The following DMD variants were observed in gnomAD, a reference collection of about 807,000 sequenced individuals.
DMD encodes mutant dystrophin.
Under a neutral mutation model 330.1 loss-of-function variants are expected in DMD, and 63 were observed. That is an observed-to-expected ratio of 0.19 (90% CI 0.16 to 0.24). DMD has a LOEUF of 0.24. Ranked by LOEUF, DMD falls within the 10% of genes least tolerant of loss-of-function variation. The pLI is 1.00. For synonymous variants in DMD, 1,223 were observed against 959.8 expected (o/e 1.27, Z -5.07); for missense variants, 3,344 against 2,684.1 (o/e 1.25, Z -5.43).
chrX:31,809,281 T>C (rs905766682), intron 50 of DMD, among the ~76,000 whole-genome samples: 1 of 107,392 alleles, frequency 9.3e-6, no homozygotes, highest in Non-Finnish European at 1.9e-5. Context: ...TATAGTGACA[T>C]GTAATATATA....
In DMD at chrX:31,320,811, T is replaced by C. The variant is rs765199446; in HGVS notation, c.9224+2787A>G. ...TCCCTAATTTCAAAGAGATTATAAT[T>C]GTAGAGAGAATTGCTCTCCATAAGG... On this transcript the variant is annotated intron_variant, in intron 62 of 78. Transcript: ENST00000357033. 9.7e-4 allele frequency among the ~76,000 whole-genome samples: 109 copies of C among 112,280 alleles called. 1 individual carries two copies. Among genetic ancestry groups the C allele is most frequent in the African/African-American group, 3.5e-3 (108 of 30,954 alleles).
chrX:32,538,030 T>C (rs774285696), intron 17 of DMD, among the ~76,000 whole-genome samples: 1 of 112,400 alleles, frequency 8.9e-6, no homozygotes, highest in Non-Finnish European at 1.9e-5. Flanking sequence ...AAATGGATCC[T>C]GGCCCAGGGA....
intron 44 of DMD, among the ~76,000 whole-genome samples, chrX:32,038,990 C>T (rs1052544696): frequency 9.0e-6 from 1 of 111,046 alleles, no homozygotes; most frequent in African/African-American, 3.3e-5. Flanking sequence ...GAATAATGGG[C>T]ATAGATATGT....
At chrX:31,372,932 T>G (rs1265308636) in intron 60 of DMD, among the ~76,000 whole-genome samples, 1 of 111,672 alleles carries the variant, frequency 9.0e-6, no homozygotes, top group African/African-American at 3.3e-5. Context: ...CCCCATCGTC[T>G]CAACCCCAAA....
chrX:33,140,285 G>A (rs1161431350), intron 1 of DMD, among the ~76,000 whole-genome samples: 1 of 111,817 alleles, frequency 8.9e-6, no homozygotes, highest in Non-Finnish European at 1.9e-5. Context: ...ATTTTAGGTT[G>A]TTTTTATAAG....
chrX:32,554,819 AGGGAGGGGGAGG>A (rs1311813867), intron 16 of DMD, among the ~76,000 whole-genome samples: 665 of 5,489 alleles, frequency 0.12, 69 homozygotes, highest in Admixed American at 0.42. Flanking sequence ...GGAGGGAGGG[AGGGAGGGGGAGG>A]GAGAGAGAGA....
intron 52 of DMD, among the ~76,000 whole-genome samples, chrX:31,694,658 ATATATG>A (rs1330817763): frequency 5.4e-4 from 54 of 100,235 alleles, no homozygotes; most frequent in African/African-American, 1.8e-3. Flanking sequence ...ATACACACAC[ATATATG>A]TATAATACTC....
At chrX:32,085,595 T>G (rs752777030) in intron 44 of DMD, among the ~76,000 whole-genome samples, 1 of 103,208 alleles carries the variant, frequency 9.7e-6, no homozygotes, top group African/African-American at 3.7e-5. Flanking sequence ...CACACATATA[T>G]GTATATATGT....
At chrX:32,917,116 G>A (rs1438596780) in intron 2 of DMD, among the ~76,000 whole-genome samples, 1 of 109,220 alleles carries the variant, frequency 9.2e-6, no homozygotes, top group African/African-American at 3.3e-5. Context: ...TTGTGATAGT[G>A]AGTGAGTTCT....
chrX:32,592,978 G>A (rs377032875), intron 13 of DMD, among the ~76,000 whole-genome samples: 62 of 113,087 alleles, frequency 5.5e-4, no homozygotes, highest in African/African-American at 1.8e-3. Context: ...CAGCTGGCAT[G>A]CCTGTCTGTG....
rs1419816532 is a variant in DMD at position 32,380,587 on chromosome X, T to C, written c.4768A>G (p.Thr1590Ala). 5.0e-6 allele frequency: 6 copies of C among 1,208,410 alleles called. No homozygotes were observed. In the East Asian group the frequency reaches 1.2e-4, roughly 24 times the overall value. Residue 1590 changes from threonine (T) to alanine (A), a missense_variant, in exon 34 of 79, where the codon ACA becomes GCA. Thr to Ala is a moderately conservative substitution (Grantham distance 58, BLOSUM62 0). Coordinates refer to ENST00000357033, the MANE Select transcript of DMD (RefSeq NM_004006.3). ...MNVLTEWLAA[T>A]DMELTKRSAV... is the part of the protein sequence containing the mutation. ...GATCTCTTTGTCAATTCCATATCTGTAGCTGCCAGCCATTCTGTCAAGACA... is the reference window on the plus strand; with the variant it reads ...GATCTCTTTGTCAATTCCATATCTGCAGCTGCCAGCCATTCTGTCAAGACA...
intron 7 of DMD, among the ~76,000 whole-genome samples, chrX:32,728,862 T>C (rs932091698): frequency 8.9e-6 from 1 of 112,054 alleles, no homozygotes; most frequent in Non-Finnish European, 1.9e-5. Flanking sequence ...ACGTTGGCCA[T>C]AGCCACTTAA....
At chrX:31,919,307 T>C (rs188852869) in intron 47 of DMD, among the ~76,000 whole-genome samples, 1 of 112,529 alleles carries the variant, frequency 8.9e-6, no homozygotes, top group Non-Finnish European at 1.9e-5. Context: ...CATTCTTTTA[T>C]AAAAGTTTCA....
intron 62 of DMD, among the ~76,000 whole-genome samples, chrX:31,275,785 T>A (rs1018255120): frequency 2.7e-5 from 3 of 110,894 alleles, no homozygotes; most frequent in Admixed American, 9.6e-5. Flanking sequence ...GGTTATAGAA[T>A]AAAATCAATG....
rs961345633 is a variant in DMD at position 32,614,042 on chromosome X, T to C, written c.1482+261A>G. 2.7e-5 allele frequency among the ~76,000 whole-genome samples: 3 copies of C among 110,612 alleles called. No homozygotes were observed. The East Asian group carries it at 8.7e-4, about 32-fold the overall frequency. ...CTCTTTTATATGGGACTTGATCCTA[T>C]TCTTAAGGGAGGAGCCCTGATGGAT... On this transcript the variant is annotated intron_variant, in intron 12 of 78. Coordinates refer to ENST00000357033, the MANE Select transcript of DMD (RefSeq NM_004006.3).
intron 9 of DMD, among the ~76,000 whole-genome samples, chrX:32,676,842 C>T (rs1569443442): frequency 9.0e-6 from 1 of 110,971 alleles, no homozygotes; most frequent in Non-Finnish European, 1.9e-5. Flanking sequence ...ACCAGTTCTG[C>T]CAGTGTTAAT....
At chrX:32,845,416 G>A (rs1206987226) in intron 3 of DMD, among the ~76,000 whole-genome samples, 1 of 111,888 alleles carries the variant, frequency 8.9e-6, no homozygotes, top group Non-Finnish European at 1.9e-5. Flanking sequence ...CATCTGCATA[G>A]TTCATTGTAA....
intron 7 of DMD, among the ~76,000 whole-genome samples, chrX:32,791,899 G>A (rs751964190): frequency 1.2e-3 from 120 of 103,503 alleles, no homozygotes; most frequent in Admixed American, 4.1e-3. Flanking sequence ...ATCTCAAAAA[G>A]GGATACAATT....
chrX:32,294,800 C>T (rs969445901), intron 42 of DMD, among the ~76,000 whole-genome samples: 10 of 110,806 alleles, frequency 9.0e-5, no homozygotes, highest in African/African-American at 3.3e-4. Context: ...ATGGTATGTG[C>T]ACCAAAGAAA....
Sources: allele counts gnomAD v4.1 joint callset (sites outside exome capture counted in the v4.1 genomes callset), GRCh38; gene constraint gnomAD v4.1.1; transcripts MANE v1.5; gene names NCBI Gene and HGNC (gene_info 2026-07-23, HGNC 2026-07-21).